Variants in DLGAP2 observed in about 807,000 individuals in gnomAD.
DLGAP2 encodes disks large-associated protein 2.
A neutral mutation model predicts 100.3 loss-of-function variants in DLGAP2; 26 were observed. The ratio of observed to expected loss-of-function variants is 0.26; its 90% CI spans 0.19 to 0.36. The LOEUF is 0.36. Ranked by LOEUF, DLGAP2 falls within the 10% of genes least tolerant of loss-of-function variation. DLGAP2 has a pLI of 1.00. For synonymous variants in DLGAP2, 886 were observed against 630.1 expected (o/e 1.41, Z -6.08); for missense variants, 1,858 against 1,453.2 (o/e 1.28, Z -4.53).
chr8:1,132,192 G>A (rs1439057355), intron 2 of DLGAP2, among the ~76,000 whole-genome samples: 1 of 152,314 alleles, frequency 6.6e-6, no homozygotes, highest in Non-Finnish European at 1.5e-5. Context: ...ACATAAATTT[G>A]TAGAAATAGA....
At chr8:1,154,936 C>T (rs1423895303) in intron 2 of DLGAP2, among the ~76,000 whole-genome samples, 1 of 152,224 alleles carries the variant, frequency 6.6e-6, no homozygotes, top group Non-Finnish European at 1.5e-5. Context: ...TCTCTTCTTA[C>T]TGTTTCTCCT....
intron 1 of DLGAP2, among the ~76,000 whole-genome samples, chr8:846,913 C>A (rs1282492931): frequency 6.6e-6 from 1 of 152,284 alleles, no homozygotes; most frequent in East Asian, 1.9e-4. Flanking sequence ...TTATTCTATC[C>A]ATCTTCAGAC....
chr8:1,328,419 G>A (rs10109361), intron 3 of DLGAP2, among the ~76,000 whole-genome samples: 123,731 of 152,150 alleles, frequency 0.81, 50,831 homozygotes, highest in African/African-American at 0.92. Context: ...CCTGGGTTCA[G>A]GCTATTCTCC....
At chr8:1,121,363 G>T (rs1796042572) in intron 2 of DLGAP2, among the ~76,000 whole-genome samples, 1 of 149,664 alleles carries the variant, frequency 6.7e-6, no homozygotes, top group Non-Finnish European at 1.5e-5. Context: ...TAGAACCCAT[G>T]ACCTGCCATC....
chr8:1,548,706 T>C lies in DLGAP2; in HGVS notation c.253T>C (p.Ser85Pro). 1 of 1,607,412 alleles carries C rather than the reference T, an allele frequency of 6.2e-7. No individual in the cohort carries two copies. Among genetic ancestry groups the C allele is most frequent in the Non-Finnish European group, 8.5e-7 (1 of 1,178,244 alleles). The change falls in exon 5 of 15, where the codon TCC (serine) becomes CCC (proline). Residue 85 changes from serine (S) to proline (P), a missense_variant. Coordinates refer to ENST00000637795, the MANE Select transcript of DLGAP2 (RefSeq NM_001346810.2). ...SPAPRSMKGL[S>P]GSRTQPPLCS... ...CGCGCCCAGGAGCATGAAGGGCCTT[T>C]CCGGAAGTCGGACCCAGCCGCCGCT...
intron 2 of DLGAP2, among the ~76,000 whole-genome samples, chr8:1,243,079 G>T (rs13266573): frequency 2.0e-5 from 3 of 152,144 alleles, no homozygotes; most frequent in African/African-American, 7.2e-5. Flanking sequence ...CCCATGTTGC[G>T]TTACTTTGTT....
At chr8:1,002,068 C>G (rs1250744358) in intron 2 of DLGAP2, 2 of 152,214 alleles carry the variant, frequency 1.3e-5, no homozygotes, top group Non-Finnish European at 2.9e-5. Context: ...CCTCAATTGT[C>G]TTCCACCTGC....
chr8:1,152,661 C>T (rs574836691), intron 2 of DLGAP2, among the ~76,000 whole-genome samples: 14 of 152,256 alleles, frequency 9.2e-5, no homozygotes, highest in African/African-American at 2.6e-4. Flanking sequence ...TCCTAGGATG[C>T]GAACTTGGGT....
intron 1 of DLGAP2, among the ~76,000 whole-genome samples, chr8:870,792 T>A (rs1585955539): frequency 6.6e-6 from 1 of 152,102 alleles, no homozygotes. Flanking sequence ...GTGACATCCA[T>A]GAATGAGGGA....
intron 1 of DLGAP2, among the ~76,000 whole-genome samples, chr8:742,642 G>A (rs947776433): frequency 2.6e-5 from 4 of 151,934 alleles, no homozygotes; most frequent in Admixed American, 2.0e-4. Context: ...TCTAGTAGTT[G>A]GTGTATGTCA....
At chr8:1,681,954 G>A (rs1798961008) in intron 12 of DLGAP2, among the ~76,000 whole-genome samples, 1 of 138,424 alleles carries the variant, frequency 7.2e-6, no homozygotes, top group South Asian at 2.1e-4. Context: ...CTTCCCAGCA[G>A]TGATCTGGGA....
chr8:838,116 A>G (rs1167140537), intron 1 of DLGAP2, among the ~76,000 whole-genome samples: 1 of 152,092 alleles, frequency 6.6e-6, no homozygotes, highest in Non-Finnish European at 1.5e-5. Flanking sequence ...TGGAAATTGA[A>G]TTAAATTTAT....
intron 3 of DLGAP2, among the ~76,000 whole-genome samples, chr8:1,421,572 T>C (rs142148721): frequency 6.6e-6 from 1 of 152,332 alleles, no homozygotes; most frequent in Non-Finnish European, 1.5e-5. Flanking sequence ...ATGAATATTA[T>C]GAAAGTTATA....
intron 3 of DLGAP2, among the ~76,000 whole-genome samples, chr8:1,387,400 G>A (rs1457524202): frequency 6.6e-6 from 1 of 152,196 alleles, no homozygotes; most frequent in African/African-American, 2.4e-5. Flanking sequence ...GTGGCCACGG[G>A]GCTGCAGAGA....
At chr8:1,114,687 G>A (rs959116020) in intron 2 of DLGAP2, among the ~76,000 whole-genome samples, 4 of 150,802 alleles carry the variant, frequency 2.7e-5, no homozygotes, top group African/African-American at 7.3e-5. Flanking sequence ...GGTTTTTCGT[G>A]TCTTGATTTT....
intron 4 of DLGAP2, among the ~76,000 whole-genome samples, chr8:1,506,776 C>T (rs1799935404): frequency 6.6e-6 from 1 of 152,168 alleles, no homozygotes. Context: ...CTGAGCTAGA[C>T]AAAGAGTGCT....
intron 1 of DLGAP2, among the ~76,000 whole-genome samples, chr8:742,051 A>C (rs1467510901): frequency 6.6e-6 from 1 of 152,146 alleles, no homozygotes; most frequent in Non-Finnish European, 1.5e-5. Flanking sequence ...CTGAACCATC[A>C]TTACCCCGTG....
intron 1 of DLGAP2, among the ~76,000 whole-genome samples, chr8:857,287 C>G (rs781419795): frequency 1.3e-5 from 2 of 152,110 alleles, no homozygotes; most frequent in Non-Finnish European, 2.9e-5. Context: ...GATTTGGTGA[C>G]TTTTTAGATA....
At chr8:1,184,032 T>G (rs905273103) in intron 2 of DLGAP2, among the ~76,000 whole-genome samples, 3 of 152,234 alleles carry the variant, frequency 2.0e-5, no homozygotes, top group African/African-American at 7.2e-5. Context: ...TATTATATGA[T>G]GGTCATAGAA....
Sources: gnomAD v4.1 joint callset for allele counts (sites outside exome capture counted in the v4.1 genomes callset) on GRCh38, gnomAD v4.1.1 for gene constraint, MANE v1.5 for transcripts, NCBI Gene and HGNC (gene_info 2026-07-23, HGNC 2026-07-21) for gene names.